CDH9: variants seen among roughly 807,000 people sequenced by gnomAD.
CDH9 encodes the protein cadherin-9.
A neutral mutation model predicts 70.9 loss-of-function variants in CDH9; 28 were observed. The observed-to-expected ratio is 0.40, with a 90% CI of 0.29 to 0.54. CDH9 has a LOEUF of 0.54. CDH9 is among the 20% of genes least tolerant of loss of function. The pLI, the probability that CDH9 is intolerant of heterozygous loss-of-function variation, is 0.59. For missense variants in CDH9, 874 were observed against 984.4 expected (o/e 0.89, Z 1.50); for synonymous variants, 409 against 343.1 (o/e 1.19, Z -2.12).
At chr5:26,947,659 A>G (rs1435743434) in intron 2 of CDH9, among the ~76,000 whole-genome samples, 1 of 152,210 alleles carries the variant, frequency 6.6e-6, no homozygotes, top group African/African-American at 2.4e-5. Context: ...GCATTGAAAT[A>G]AGGAAAGAGC....
chr5:26,954,550 A>G (rs1579474306), intron 2 of CDH9, among the ~76,000 whole-genome samples: 1 of 151,590 alleles, frequency 6.6e-6, no homozygotes, highest in Non-Finnish European at 1.5e-5. Context: ...ACACCCAGCT[A>G]ATTTTTTGTA....
intron 2 of CDH9, among the ~76,000 whole-genome samples, chr5:26,984,245 G>A (rs563966158): frequency 6.6e-6 from 1 of 152,098 alleles, no homozygotes; most frequent in African/African-American, 2.4e-5. Context: ...GCTACCTATA[G>A]ATGGCTCATT....
chr5:26,900,204 T>C (rs1740829646), intron 7 of CDH9, among the ~76,000 whole-genome samples: 1 of 152,026 alleles, frequency 6.6e-6, no homozygotes, highest in Non-Finnish European at 1.5e-5. Flanking sequence ...TAGATACAAC[T>C]CATATAAAAA....
intron 7 of CDH9, among the ~76,000 whole-genome samples, chr5:26,896,000 T>C (rs1029885463): frequency 6.6e-6 from 1 of 152,176 alleles, no homozygotes; most frequent in African/African-American, 2.4e-5. Flanking sequence ...CTCTGTGCTA[T>C]GCTTTCCGGT....
chr5:26,902,779 A>G, intron 6 of CDH9, 50 bp from the exon 7 acceptor site: 1 of 1,116,394 alleles, frequency 9.0e-7, no homozygotes, highest in Non-Finnish European at 1.3e-6. Flanking sequence ...AAGATATGAC[A>G]ATGAAAGACG....
In CDH9 at chr5:27,009,879, C is replaced by T. The variant is rs562365013; in HGVS notation, c.-49-21497G>A. Among the ~76,000 whole-genome samples the T allele has an allele frequency of 5.4e-4, 82 of 152,214 alleles. 3 individuals carry two copies. In the South Asian group the frequency reaches 0.016, roughly 30 times the overall value. ...GAATTTCTATAGTTGTTTTCTTACTCTGGCTCCATAGACTTTGCTGTGTCT... is the reference window on the plus strand; with the variant it reads ...GAATTTCTATAGTTGTTTTCTTACTTTGGCTCCATAGACTTTGCTGTGTCT... On this transcript the variant is annotated intron_variant, in intron 1 of 11. Coordinates refer to ENST00000231021, the MANE Select transcript of CDH9 (RefSeq NM_016279.4).
chr5:26,881,675 A>C (rs759653095), intron 11 of CDH9, 52 bp from the exon 12 acceptor site: 7 of 1,505,834 alleles, frequency 4.6e-6, no homozygotes, highest in Non-Finnish European at 6.3e-6. Flanking sequence ...AGGATAAAAT[A>C]GAGTACACTT....
intron 2 of CDH9, among the ~76,000 whole-genome samples, chr5:26,986,086 C>A (rs79607678): frequency 0.47 from 71,801 of 151,586 alleles, 17,815 homozygotes; most frequent in African/African-American, 0.52. Flanking sequence ...AGAGTTTTTT[C>A]TTTAAAAAGT....
intron 2 of CDH9, among the ~76,000 whole-genome samples, chr5:26,947,128 C>T (rs1215664538): frequency 1.3e-5 from 2 of 152,076 alleles, no homozygotes; most frequent in Non-Finnish European, 2.9e-5. Flanking sequence ...GATTTAATGG[C>T]AATTTTTGAA....
At chr5:26,937,704 C>T (rs1741584566) in intron 2 of CDH9, among the ~76,000 whole-genome samples, 1 of 151,924 alleles carries the variant, frequency 6.6e-6, no homozygotes, top group Non-Finnish European at 1.5e-5. Flanking sequence ...GTTGCTAAGA[C>T]AAAGAAGCTA....
At chr5:26,888,023 T>C (rs1459722539) in intron 9 of CDH9, among the ~76,000 whole-genome samples, 1 of 152,160 alleles carries the variant, frequency 6.6e-6, no homozygotes, top group Non-Finnish European at 1.5e-5. Context: ...ATTCTGTTTG[T>C]GGTAATTTGT....
intron 2 of CDH9, among the ~76,000 whole-genome samples, chr5:26,966,519 A>AT (rs35917497): frequency 0.016 from 2,477 of 151,876 alleles, 63 homozygotes; most frequent in African/African-American, 0.056. Context: ...CTAAAGCATC[A>AT]TTTTTTTTCC....
chr5:26,978,195 A>C (rs1742336879), intron 2 of CDH9, among the ~76,000 whole-genome samples: 1 of 152,032 alleles, frequency 6.6e-6, no homozygotes, highest in African/African-American at 2.4e-5. Context: ...AAGATAGTGA[A>C]TAGAAATAGA....
intron 2 of CDH9, among the ~76,000 whole-genome samples, chr5:26,919,500 A>T (rs1741207718): frequency 6.6e-6 from 1 of 152,104 alleles, no homozygotes; most frequent in Admixed American, 6.5e-5. Context: ...AGGCCACAAA[A>T]ATTGTAATTC....
chr5:26,912,427 TTA>T (rs1188366366), intron 3 of CDH9, among the ~76,000 whole-genome samples: 1 of 151,514 alleles, frequency 6.6e-6, no homozygotes, highest in Non-Finnish European at 1.5e-5. Flanking sequence ...CAATACAAGT[TTA>T]TGAGGTAAAA....
intron 11 of CDH9, among the ~76,000 whole-genome samples, chr5:26,881,881 A>G (rs568676281): frequency 6.6e-6 from 1 of 152,106 alleles, no homozygotes; most frequent in Non-Finnish European, 1.5e-5. Flanking sequence ...TTCAAGTACA[A>G]CTATTATATT....
intron 2 of CDH9, among the ~76,000 whole-genome samples, chr5:26,932,893 C>T (rs1741487973): frequency 6.6e-6 from 1 of 150,932 alleles, no homozygotes; most frequent in South Asian, 2.1e-4. Flanking sequence ...GTCTATGATT[C>T]CATTTCCTTT....
chr5:26,896,569 T>C (rs1187695365), intron 7 of CDH9, among the ~76,000 whole-genome samples: 1 of 151,426 alleles, frequency 6.6e-6, no homozygotes, highest in African/African-American at 2.4e-5. Flanking sequence ...TTTCATTTCA[T>C]TATACAACAG....
intron 2 of CDH9, among the ~76,000 whole-genome samples, chr5:26,977,480 T>C (rs1009236176): frequency 7.3e-6 from 1 of 136,772 alleles, no homozygotes; most frequent in African/African-American, 3.4e-5. Flanking sequence ...TGCGTGTGTG[T>C]GTGTGTATAT....
Sources: allele counts gnomAD v4.1 joint callset (sites outside exome capture counted in the v4.1 genomes callset), GRCh38; gene constraint gnomAD v4.1.1; transcripts MANE v1.5; gene names NCBI Gene and HGNC (gene_info 2026-07-23, HGNC 2026-07-21).